Variants in LGR6 observed in about 807,000 individuals in gnomAD.
LGR6 encodes the protein leucine rich repeat containing G protein-coupled receptor 6.
Under a neutral mutation model 69.4 loss-of-function variants are expected in LGR6, and 45 were observed. That is an observed-to-expected ratio of 0.65 (90% CI 0.51 to 0.83). LGR6 has a LOEUF of 0.83. Ranked by LOEUF, LGR6 falls within the 40% of genes least tolerant of loss-of-function variation. LGR6 has a pLI of 0.00. For synonymous variants in LGR6, 538 were observed against 555.0 expected (o/e 0.97, Z 0.43); for missense variants, 1,108 against 1,246.7 (o/e 0.89, Z 1.68).
chr1:202,204,570 A>G (rs1659002543), intron 1 of LGR6, among the ~76,000 whole-genome samples: 1 of 149,060 alleles, frequency 6.7e-6, no homozygotes, highest in Non-Finnish European at 1.5e-5. Flanking sequence ...AAACACAAAC[A>G]CACCTAACAC....
chr1:202,218,536 A>G (rs1341602652), intron 1 of LGR6, among the ~76,000 whole-genome samples: 2 of 152,174 alleles, frequency 1.3e-5, no homozygotes, highest in African/African-American at 4.8e-5. Flanking sequence ...GATGGTCACA[A>G]TAATAGGGAG....
intron 2 of LGR6, among the ~76,000 whole-genome samples, chr1:202,227,685 C>T (rs1660666165): frequency 6.6e-6 from 1 of 152,146 alleles, no homozygotes; most frequent in South Asian, 2.1e-4. Flanking sequence ...TCTGTGACCC[C>T]TAGGGGACGT....
At chr1:202,251,479 C>G (rs1355653135) in intron 4 of LGR6, among the ~76,000 whole-genome samples, 1 of 152,188 alleles carries the variant, frequency 6.6e-6, no homozygotes, top group Non-Finnish European at 1.5e-5. Context: ...TTCACCATTT[C>G]CAGAGCTCCA....
intron 6 of LGR6, among the ~76,000 whole-genome samples, chr1:202,290,425 G>C (rs1666713378): frequency 6.6e-6 from 1 of 152,098 alleles, no homozygotes; most frequent in South Asian, 2.1e-4. Flanking sequence ...AAATTTTTTT[G>C]TTAGCCCTGC....
At chr1:202,312,492 G>A (rs970752879) in intron 16 of LGR6, among the ~76,000 whole-genome samples, 1 of 152,170 alleles carries the variant, frequency 6.6e-6, no homozygotes, top group African/African-American at 2.4e-5. Flanking sequence ...CCTGCCTCCT[G>A]GGAAAGCTCC....
chr1:202,243,083 C>T (rs1571879598), intron 4 of LGR6, among the ~76,000 whole-genome samples: 1 of 152,146 alleles, frequency 6.6e-6, no homozygotes, highest in African/African-American at 2.4e-5. Context: ...CCAGAGTCCA[C>T]GCATTTAACC....
chr1:202,276,367 C>T lies in LGR6; in HGVS notation c.490C>T (p.Leu164Phe), dbSNP rs376744380. The T allele has an allele frequency of 4.3e-6, 7 of 1,614,078 alleles. No homozygotes were observed. Among genetic ancestry groups the T allele is most frequent in the Non-Finnish European group, 5.9e-6 (7 of 1,180,032 alleles). The change falls in exon 5 of 18, where the codon CTC becomes TTC. Residue 164 changes from leucine (L) to phenylalanine (F), a missense_variant. Transcript: ENST00000367278. ...GAGGAGCTTTGAGGGGCTGTCCTCC[C>T]TCCGCCACCTCTGGCTGGACGACAA... The part of the protein sequence containing the change: ...PERSFEGLSS[L>F]RHLWLDDNAL...
At chr1:202,223,898 C>T (rs563282557) in intron 1 of LGR6, among the ~76,000 whole-genome samples, 1 of 147,436 alleles carries the variant, frequency 6.8e-6, no homozygotes, top group South Asian at 2.2e-4. Context: ...GGACACTTGC[C>T]CACAGGACCC....
Position 202,280,830 on chromosome 1 carries a change from G to T in LGR6, c.694G>T (p.Gly232Trp). 1 of 1,614,036 alleles carries T rather than the reference G, an allele frequency of 6.2e-7. No individual in the cohort carries two copies. Among genetic ancestry groups the T allele is most frequent in the Non-Finnish European group, 8.5e-7 (1 of 1,179,962 alleles). Residue 232 changes from glycine (G) to tryptophan (W), a missense_variant, in exon 6 of 18, where the codon GGG becomes TGG. Transcript: ENST00000367278. The part of the protein sequence containing the change: ...IQHLGTHSFE[G>W]LHNLETLDLN... ...GCATCTGGGGACCCACAGCTTCGAGGGGCTGCACAATCTGGAGACACTGTG... is the reference window on the plus strand; with the variant it reads ...GCATCTGGGGACCCACAGCTTCGAGTGGCTGCACAATCTGGAGACACTGTG...
At chr1:202,216,060 T>C (rs1341955698) in intron 1 of LGR6, among the ~76,000 whole-genome samples, 4 of 152,200 alleles carry the variant, frequency 2.6e-5, no homozygotes, top group Non-Finnish European at 5.9e-5. Flanking sequence ...GGAGCATCTG[T>C]GATTGGACTT....
Position 202,319,138 on chromosome 1 carries a change from A to G in LGR6, c.2835A>G (p.Pro945=). 2 of 1,614,092 alleles carry G rather than the reference A, an allele frequency of 1.2e-6. No individual in the cohort carries two copies. Among genetic ancestry groups the G allele is most frequent in the Non-Finnish European group, 1.7e-6 (2 of 1,179,968 alleles). ...TGCTGAGGGCAGAGGGATCTACGCC[A>G]GCAGGTGGAGGCTTGTCAGGGGGTG... ...ELLLRAEGST[P]AGGGLSGGGG... Residue 945 remains proline, a synonymous_variant, in exon 18 of 18, where the codon CCA becomes CCG. Coordinates refer to ENST00000367278, the MANE Select transcript of LGR6 (RefSeq NM_001017403.2).
At chr1:202,197,263 G>T (rs1380321678) in intron 1 of LGR6, among the ~76,000 whole-genome samples, 1 of 152,098 alleles carries the variant, frequency 6.6e-6, no homozygotes, top group African/African-American at 2.4e-5. Flanking sequence ...TTGGTTCTAG[G>T]GAAGACCAGA....
chr1:202,196,614 G>A (rs1658650585), intron 1 of LGR6, among the ~76,000 whole-genome samples: 2 of 152,254 alleles, frequency 1.3e-5, no homozygotes, highest in South Asian at 2.1e-4. Flanking sequence ...ACATGGAGAT[G>A]AGGAAGCAGG....
At chr1:202,217,897 T>A (rs1174739033) in intron 1 of LGR6, among the ~76,000 whole-genome samples, 1 of 152,248 alleles carries the variant, frequency 6.6e-6, no homozygotes, top group Admixed American at 6.5e-5. Context: ...TGTGCTCTTA[T>A]GTGTGTGTGA....
chr1:202,300,839 T>C lies in LGR6; in HGVS notation c.786-10T>C. The C allele has an allele frequency of 1.9e-6, 3 of 1,601,426 alleles. No individual in the cohort carries two copies. Among genetic ancestry groups the C allele is most frequent in the South Asian group, 2.3e-5 (2 of 88,838 alleles). On this transcript the variant is annotated splice_polypyrimidine_tract_variant and intron_variant, in intron 7 of 17. Transcript: ENST00000367278. ...CCAAATCCTCACTGGTTCCTGGTGT[T>C]GTCTTCCAGGGGGTTCCATAACAAC... is the stretch of plus-strand genomic sequence containing the variant.
chr1:202,288,466 T>C (rs1412353751), intron 6 of LGR6, among the ~76,000 whole-genome samples: 2 of 152,194 alleles, frequency 1.3e-5, no homozygotes, highest in East Asian at 1.9e-4. Context: ...GGTGAACAAA[T>C]ATTTCAACAA....
intron 6 of LGR6, among the ~76,000 whole-genome samples, chr1:202,294,561 G>A (rs1021612997): frequency 3.9e-5 from 6 of 152,140 alleles, no homozygotes; most frequent in African/African-American, 9.7e-5. Context: ...ATTGGTTGTC[G>A]GCTGGTCTTC....
intron 4 of LGR6, among the ~76,000 whole-genome samples, chr1:202,241,895 C>T (rs115224081): frequency 0.013 from 2,030 of 152,192 alleles, 50 homozygotes; most frequent in African/African-American, 0.046. Flanking sequence ...TTGTCTAGAG[C>T]CGGGGAAATG....
Position 202,247,955 on chromosome 1 carries a change from A to G in LGR6, c.428+11962A>G, listed in dbSNP as rs572725945. The stretch of plus-strand genomic sequence containing the variant: ...CCTCCTCCTCCCCAGCGCCTCAGCC[A>G]TCCTGATGAGAGAAGAAGGGTCGGG... On this transcript the variant is annotated intron_variant, in intron 4 of 17. Transcript: ENST00000367278. Among the ~76,000 whole-genome samples, 437 of 152,266 alleles carry G rather than the reference A, an allele frequency of 2.9e-3. 3 individuals carry two copies. Among genetic ancestry groups the G allele is most frequent in the African/African-American group, 9.6e-3 (399 of 41,548 alleles).
Sources: gnomAD v4.1 joint callset for allele counts (sites outside exome capture counted in the v4.1 genomes callset) on GRCh38, gnomAD v4.1.1 for gene constraint, MANE v1.5 for transcripts, NCBI Gene and HGNC (gene_info 2026-07-23, HGNC 2026-07-21) for gene names.